The following TNNI3K variants were observed in gnomAD, a reference collection of about 807,000 sequenced individuals.
TNNI3K encodes the protein TNNI3 interacting kinase, also known as serine/threonine-protein kinase TNNI3K.
A neutral mutation model predicts 114.5 loss-of-function variants in TNNI3K; 140 were observed. That is an observed-to-expected ratio of 1.22 (90% confidence interval 1.07 to 1.41). The LOEUF is 1.41. Ranked by LOEUF, TNNI3K falls within the 40% of genes most tolerant of loss-of-function variation. The pLI, the probability that TNNI3K is intolerant of heterozygous loss-of-function variation, is 0.00. For missense variants in TNNI3K, 1,125 were observed against 1,007.6 expected (o/e 1.12, Z -1.58); for synonymous variants, 347 against 347.5 (o/e 1.00, Z 0.02).
chr1:74,528,870 A>G (rs1646542885), intron 23 of TNNI3K, among the ~76,000 whole-genome samples: 1 of 152,206 alleles, frequency 6.6e-6, no homozygotes, highest in African/African-American at 2.4e-5. Flanking sequence ...ACTTGAAGAA[A>G]TGACAGACTT....
intron 9 of TNNI3K, among the ~76,000 whole-genome samples, chr1:74,344,350 G>A (rs911854027): frequency 6.6e-6 from 1 of 152,138 alleles, no homozygotes; most frequent in Non-Finnish European, 1.5e-5. Context: ...GAAAACTGAG[G>A]CTCAGAAAAG....
intron 21 of TNNI3K, among the ~76,000 whole-genome samples, chr1:74,467,874 G>A (rs756162200): frequency 1.3e-5 from 2 of 152,016 alleles, no homozygotes; most frequent in Non-Finnish European, 1.5e-5. Flanking sequence ...TTTAACAAGC[G>A]CCCCAGGTGA....
intron 4 of TNNI3K, among the ~76,000 whole-genome samples, chr1:74,256,878 T>C (rs933974939): frequency 6.6e-6 from 1 of 152,144 alleles, no homozygotes; most frequent in Non-Finnish European, 1.5e-5. Context: ...AGAGAAAATA[T>C]GCTTTTCGGA....
At chr1:74,333,184 T>C (rs923650708) in intron 6 of TNNI3K, among the ~76,000 whole-genome samples, 4 of 152,210 alleles carry the variant, frequency 2.6e-5, no homozygotes, top group African/African-American at 9.7e-5. Flanking sequence ...GTCCCTGTGC[T>C]CAATAGTCAT....
intron 17 of TNNI3K, among the ~76,000 whole-genome samples, chr1:74,420,103 A>G (rs1029631781): frequency 6.6e-6 from 1 of 152,072 alleles, no homozygotes; most frequent in Non-Finnish European, 1.5e-5. Flanking sequence ...TATAGATATG[A>G]AATGAATGAG....
At chr1:74,540,353 C>T (rs202090498) in intron 24 of TNNI3K, 40 bp downstream of exon 24, 8 of 1,584,714 alleles carry the variant, frequency 5.0e-6, no homozygotes, top group Non-Finnish European at 6.0e-6. Flanking sequence ...AGAAAACTAC[C>T]CCTAGGAAGG....
chr1:74,463,991 T>C (rs1453580999), intron 21 of TNNI3K, among the ~76,000 whole-genome samples: 7 of 152,370 alleles, frequency 4.6e-5, no homozygotes, highest in Non-Finnish European at 1.0e-4. Flanking sequence ...CTAATCCCTC[T>C]CTAACTTTCT....
intron 23 of TNNI3K, among the ~76,000 whole-genome samples, chr1:74,507,225 C>CG (rs980982672): frequency 1.6e-5 from 2 of 124,148 alleles, no homozygotes; most frequent in African/African-American, 3.0e-5. Flanking sequence ...ATTTCTTCAC[C>CG]CCCCCCCCAT....
At chr1:74,477,838 A>T (rs192744364) in intron 21 of TNNI3K, among the ~76,000 whole-genome samples, 1 of 152,212 alleles carries the variant, frequency 6.6e-6, no homozygotes, top group East Asian at 1.9e-4. Flanking sequence ...TTCTATTTTT[A>T]AAAAGTGTTC....
intron 11 of TNNI3K, among the ~76,000 whole-genome samples, chr1:74,360,720 G>A (rs1172418447): frequency 1.3e-5 from 2 of 152,002 alleles, no homozygotes; most frequent in African/African-American, 4.8e-5. Context: ...GTTTATGGAA[G>A]TCTCCTAGTC....
At chr1:74,320,202 C>T (rs1659533654) in intron 5 of TNNI3K, among the ~76,000 whole-genome samples, 2 of 152,158 alleles carry the variant, frequency 1.3e-5, no homozygotes, top group Non-Finnish European at 2.9e-5. Context: ...ACATTTACCA[C>T]CATTATGCTT....
intron 5 of TNNI3K, among the ~76,000 whole-genome samples, chr1:74,297,723 T>G (rs1658083552): frequency 6.6e-6 from 1 of 152,228 alleles, no homozygotes; most frequent in South Asian, 2.1e-4. Context: ...GTCAGGGTAG[T>G]CGTATTTCTT....
intron 5 of TNNI3K, among the ~76,000 whole-genome samples, chr1:74,306,478 A>G (rs1658641416): frequency 6.6e-6 from 1 of 152,344 alleles, no homozygotes; most frequent in Non-Finnish European, 1.5e-5. Flanking sequence ...GGGCTGAACT[A>G]ATTTACATTC....
At chr1:74,475,120 A>ACACG (rs1668128175) in intron 21 of TNNI3K, among the ~76,000 whole-genome samples, 2 of 141,114 alleles carry the variant, frequency 1.4e-5, no homozygotes, top group South Asian at 4.5e-4. Flanking sequence ...CTCAGCCCAC[A>ACACG]CACACACACA....
At chr1:74,283,462 G>T (rs1292531492) in intron 5 of TNNI3K, among the ~76,000 whole-genome samples, 2 of 152,102 alleles carry the variant, frequency 1.3e-5, no homozygotes, top group Non-Finnish European at 2.9e-5. Context: ...TGTCACTCAG[G>T]TCTTTGGCAT....
At chr1:74,409,553 G>A (rs1664783485) in intron 17 of TNNI3K, among the ~76,000 whole-genome samples, 1 of 147,820 alleles carries the variant, frequency 6.8e-6, no homozygotes, top group African/African-American at 2.5e-5. Context: ...GAGTGCAGTG[G>A]CACCATCTCG....
intron 23 of TNNI3K, among the ~76,000 whole-genome samples, chr1:74,496,581 G>A (rs11210465): frequency 0.42 from 63,365 of 151,696 alleles, 15,959 homozygotes; most frequent in East Asian, 0.67. Context: ...GATTTTATGG[G>A]GTTTTTGGTT....
intron 24 of TNNI3K, among the ~76,000 whole-genome samples, chr1:74,542,452 A>G (rs45582634): frequency 1.7e-4 from 26 of 152,344 alleles, no homozygotes; most frequent in African/African-American, 6.0e-4. Flanking sequence ...CACAGAATTT[A>G]GATCTGCTGA....
chr1:74,253,068 C>G (rs1413619582), intron 4 of TNNI3K, among the ~76,000 whole-genome samples: 1 of 152,184 alleles, frequency 6.6e-6, no homozygotes, highest in African/African-American at 2.4e-5. Context: ...GAGCTAGACA[C>G]AAAAGTTCTC....
Sources: allele counts gnomAD v4.1 joint callset (sites outside exome capture counted in the v4.1 genomes callset), GRCh38; gene constraint gnomAD v4.1.1; transcripts MANE v1.5; gene names NCBI Gene and HGNC (gene_info 2026-07-23, HGNC 2026-07-21).